The following SUMF1 variants were observed in gnomAD, a reference collection of about 807,000 sequenced individuals.
The protein encoded by SUMF1 is sulfatase modifying factor 1, also known as formylglycine-generating enzyme.
Under a neutral mutation model 47.6 loss-of-function variants are expected in SUMF1, and 48 were observed. The ratio of observed to expected loss-of-function variants is 1.01; its 90% CI spans 0.80 to 1.28. The LOEUF (loss-of-function observed/expected upper bound fraction) is 1.28. Ranked by LOEUF, SUMF1 falls within the 50% of genes most tolerant of loss-of-function variation. The pLI, the probability that SUMF1 is intolerant of heterozygous loss-of-function variation, is 0.00. For synonymous variants in SUMF1, 230 were observed against 192.1 expected, an observed-to-expected ratio of 1.20 and a Z score of -1.63; for missense variants, 571 against 485.4, an observed-to-expected ratio of 1.18 and a Z score of -1.66.
intron 8 of SUMF1, among the ~76,000 whole-genome samples, chr3:4,076,342 C>G (rs962952793): frequency 6.6e-6 from 1 of 152,052 alleles, no homozygotes; most frequent in Non-Finnish European, 1.5e-5. Context: ...CAAAAATTAA[C>G]TGAACATGGA....
At chr3:4,206,296 C>T (rs1188627723) in intron 8 of SUMF1, among the ~76,000 whole-genome samples, 2 of 151,920 alleles carry the variant, frequency 1.3e-5, no homozygotes, top group Non-Finnish European at 2.9e-5. Context: ...ACCCCAAGTC[C>T]ACTGGTTCCA....
chr3:4,072,060 C>T lies in SUMF1; in HGVS notation c.1015-3315G>A, dbSNP rs114999291. ...CAAGAGAGCACTGCTTGGCATCTGG[C>T]AGGTGCCCCTCTAAGACAAATTTTC... On this transcript the variant is annotated intron_variant and NMD_transcript_variant, in intron 8 of 12. Coordinates refer to the SUMF1 transcript ENST00000448413. Among the ~76,000 whole-genome samples the T allele has an allele frequency of 4.6e-3, 705 of 152,274 alleles. 10 individuals carry two copies. Among genetic ancestry groups the T allele is most frequent in the African/African-American group, 0.016 (672 of 41,566 alleles).
intron 8 of SUMF1, among the ~76,000 whole-genome samples, chr3:4,258,217 C>T (rs1001283791): frequency 4.6e-4 from 68 of 149,236 alleles, no homozygotes; most frequent in African/African-American, 1.6e-3. Flanking sequence ...GACTTCATGT[C>T]CAAAACACCA....
intron 9 of SUMF1, among the ~76,000 whole-genome samples, chr3:4,057,101 T>C (rs1044170880): frequency 3.9e-5 from 6 of 152,140 alleles, no homozygotes; most frequent in African/African-American, 1.4e-4. Flanking sequence ...GAAAAAGTTA[T>C]TTTAAAAAAT....
At chr3:4,218,612 G>A (rs375383388) in intron 8 of SUMF1, among the ~76,000 whole-genome samples, 27 of 152,248 alleles carry the variant, frequency 1.8e-4, no homozygotes, top group African/African-American at 5.8e-4. Context: ...CTGGATCTGC[G>A]TGAATGCCTG....
At chr3:4,101,146 T>C (rs1693022346) in intron 8 of SUMF1, among the ~76,000 whole-genome samples, 1 of 151,822 alleles carries the variant, frequency 6.6e-6, no homozygotes, top group African/African-American at 2.4e-5. Flanking sequence ...ACCAGGTATA[T>C]ACCCAGGGGA....
Position 4,410,913 on chromosome 3 carries a change from A to C in SUMF1, c.906T>G (p.Thr302=). The C allele has an allele frequency of 6.2e-7, 1 of 1,614,118 alleles. No individual in the cohort carries two copies. The highest frequency in any genetic ancestry group is 1.1e-5 in the South Asian group (1 of 91,090). The part of the protein sequence containing the change: ...YNIVGNAWEW[T]SDWWTVHHSV... ...AATGATGAACAGTCCACCAGTCTGAAGTCCATTCCCATGCGTTCCCCACTA... is the reference window on the plus strand; with the variant it reads ...AATGATGAACAGTCCACCAGTCTGACGTCCATTCCCATGCGTTCCCCACTA... The change falls in exon 7 of 9, where the codon ACT becomes ACG. Residue 302 remains threonine (T), a synonymous_variant. Coordinates refer to ENST00000272902, the MANE Select transcript of SUMF1 (RefSeq NM_182760.4).
At chr3:4,403,281 C>G (rs1234122815) in intron 7 of SUMF1, among the ~76,000 whole-genome samples, 1 of 152,122 alleles carries the variant, frequency 6.6e-6, no homozygotes, top group Admixed American at 6.6e-5. Context: ...TGATTGGCAT[C>G]CACTAACCAA....
At chr3:4,326,885 G>C (rs1253734228) in intron 8 of SUMF1, among the ~76,000 whole-genome samples, 1 of 152,080 alleles carries the variant, frequency 6.6e-6, no homozygotes, top group East Asian at 1.9e-4. Flanking sequence ...GGTCATATCT[G>C]AAAATATGCC....
In SUMF1 at chr3:4,467,008, C is replaced by G. The variant is rs1242966495; in HGVS notation, c.238G>C (p.Val80Leu). ...TGCGCGAGTTGCCGCTCTCCGGGTA[C>G]GGGGCCCGGAGCGTTAGCCTCCCGC... ...YSREANAPGP[V>L]PGERQLAHSK... Residue 80 changes from valine (V) to leucine (L), a missense_variant, in exon 1 of 9, where the codon GTA becomes CTA. Physicochemically the swap from Val to Leu is conservative, Grantham distance 32. Coordinates refer to ENST00000272902, the MANE Select transcript of SUMF1 (RefSeq NM_182760.4). 2.5e-6 allele frequency: 4 copies of G among 1,596,120 alleles called. No homozygotes were observed. Among genetic ancestry groups the G allele is most frequent in the Non-Finnish European group, 2.6e-6 (3 of 1,173,168 alleles).
chr3:4,154,315 T>C (rs1694404901), intron 8 of SUMF1, among the ~76,000 whole-genome samples: 1 of 151,494 alleles, frequency 6.6e-6, no homozygotes, highest in African/African-American at 2.5e-5. Context: ...GAAACTAACC[T>C]CACCAGGAAC....
intron 8 of SUMF1, among the ~76,000 whole-genome samples, chr3:4,118,951 C>G (rs73131119): frequency 0.01 from 1,559 of 152,172 alleles, 31 homozygotes; most frequent in African/African-American, 0.036. Flanking sequence ...AATCTGTATC[C>G]CTTGAGCTTG....
intron 8 of SUMF1, among the ~76,000 whole-genome samples, chr3:4,099,850 C>T (rs1268666073): frequency 6.6e-6 from 1 of 151,350 alleles, no homozygotes; most frequent in South Asian, 2.1e-4. Context: ...AATAATCCCA[C>T]CTGCAATAGC....
chr3:4,350,113 GC>G (rs1699460971), intron 8 of SUMF1, among the ~76,000 whole-genome samples: 1 of 151,310 alleles, frequency 6.6e-6, no homozygotes, highest in South Asian at 2.1e-4. Context: ...CAATTCTCCT[GC>G]CTCAGCCTCC....
chr3:4,056,444 C>T (rs1179461153), intron 9 of SUMF1, among the ~76,000 whole-genome samples: 1 of 152,096 alleles, frequency 6.6e-6, no homozygotes, highest in Admixed American at 6.6e-5. Flanking sequence ...GAGGTCTACA[C>T]AGGAGGATCA....
intron 8 of SUMF1, among the ~76,000 whole-genome samples, chr3:4,199,439 T>C (rs902993110): frequency 2.0e-5 from 3 of 152,168 alleles, no homozygotes; most frequent in Non-Finnish European, 4.4e-5. Flanking sequence ...AACATTCAGA[T>C]ACAAGTCTTT....
chr3:4,364,594 G>A (rs1176928209), intron 8 of SUMF1, among the ~76,000 whole-genome samples: 2 of 151,280 alleles, frequency 1.3e-5, no homozygotes, highest in South Asian at 4.2e-4. Context: ...TTTTTATTGG[G>A]TCTATTTGAT....
intron 8 of SUMF1, among the ~76,000 whole-genome samples, chr3:4,372,422 AT>A (rs369429025): frequency 0.015 from 2,294 of 152,160 alleles, 34 homozygotes; most frequent in African/African-American, 0.028. Flanking sequence ...CTTTTTATTG[AT>A]TTTTTTCCTT....
intron 1 of SUMF1, among the ~76,000 whole-genome samples, chr3:4,456,654 G>A (rs2079613600): frequency 7.0e-6 from 1 of 143,774 alleles, no homozygotes; most frequent in Non-Finnish European, 1.5e-5. Context: ...ATATATATGT[G>A]TGTGTATATA....
Sources: allele counts gnomAD v4.1 joint callset (sites outside exome capture counted in the v4.1 genomes callset), GRCh38; gene constraint gnomAD v4.1.1; transcripts MANE v1.5; gene names NCBI Gene and HGNC (gene_info 2026-07-23, HGNC 2026-07-21).